Variants in EYS observed in about 807,000 individuals in gnomAD.
The protein encoded by EYS is protein eyes shut homolog.
Under a neutral mutation model 282.1 loss-of-function variants are expected in EYS, and 250 were observed. That is an observed-to-expected ratio of 0.89 (90% CI 0.80 to 0.98). EYS has a LOEUF of 0.98. EYS is among the 50% of genes least tolerant of loss of function. The probability of loss-of-function intolerance (pLI) is 0.00; values close to 1 mark genes in which losing one functional copy is unlikely to be tolerated. For missense variants in EYS, 4,016 were observed against 3,709.0 expected (o/e 1.08, Z -2.15); for synonymous variants, 1,355 against 1,282.9 (o/e 1.06, Z -1.20).
chr6:65,233,081 C>G (rs185140459), intron 12 of EYS, among the ~76,000 whole-genome samples: 1 of 152,060 alleles, frequency 6.6e-6, no homozygotes, highest in Non-Finnish European at 1.5e-5. Context: ...ATCATGCCAT[C>G]CTTTATTTAA....
intron 2 of EYS, among the ~76,000 whole-genome samples, chr6:65,620,916 GA>G (rs1766454160): frequency 6.6e-6 from 1 of 152,212 alleles, no homozygotes; most frequent in African/African-American, 2.4e-5. Context: ...TGGTCTGAGA[GA>G]CAGTTTGTTA....
intron 22 of EYS, among the ~76,000 whole-genome samples, chr6:64,748,210 T>C (rs1772618164): frequency 6.6e-6 from 1 of 152,228 alleles, no homozygotes; most frequent in Non-Finnish European, 1.5e-5. Flanking sequence ...CACCAGGAAA[T>C]ACAATAAATG....
At chr6:64,852,617 A>C (rs998402839) in intron 19 of EYS, among the ~76,000 whole-genome samples, 1 of 152,134 alleles carries the variant, frequency 6.6e-6, no homozygotes, top group African/African-American at 2.4e-5. Flanking sequence ...AGATGTAATA[A>C]AGTTAAGATG....
intron 26 of EYS, among the ~76,000 whole-genome samples, chr6:64,543,392 A>G (rs963374826): frequency 6.6e-6 from 1 of 152,106 alleles, no homozygotes; most frequent in East Asian, 1.9e-4. Flanking sequence ...GTAGTTAAAG[A>G]AATTGGCTTT....
intron 8 of EYS, among the ~76,000 whole-genome samples, chr6:65,379,615 A>G (rs1270082355): frequency 1.3e-5 from 2 of 152,182 alleles, no homozygotes; most frequent in East Asian, 3.9e-4. Flanking sequence ...AGTTCTGGCT[A>G]GAGCAATCAA....
At chr6:65,627,407 C>T (rs1766744626) in intron 2 of EYS, among the ~76,000 whole-genome samples, 1 of 152,204 alleles carries the variant, frequency 6.6e-6, no homozygotes. Flanking sequence ...GCCTCCTCTG[C>T]CTGGGCTCCC....
chr6:64,917,141 C>T (rs575802594), intron 15 of EYS, among the ~76,000 whole-genome samples: 1 of 151,372 alleles, frequency 6.6e-6, no homozygotes, highest in Admixed American at 6.6e-5. Context: ...CCCAGCTACG[C>T]GGGAGGCTGA....
chr6:63,814,752 A>G (rs572188239), intron 36 of EYS, among the ~76,000 whole-genome samples: 1 of 152,310 alleles, frequency 6.6e-6, no homozygotes, highest in South Asian at 2.1e-4. Context: ...AGGGGAAAAA[A>G]TCCCTGAAAC....
rs573336860 is a variant in EYS, at chr6:63,830,307, A to T, written c.7229-23935T>A. 1.1e-3 allele frequency among the ~76,000 whole-genome samples: 169 copies of T among 152,360 alleles called. 1 individual carries two copies. The highest frequency in any genetic ancestry group is 2.0e-3 in the Non-Finnish European group (137 of 68,034). ...AGGACATTCGAACCTATCGCAAAAA[A>T]GTTAAAAACCTTGATAAAAGATTAG... On this transcript the variant is annotated intron_variant, in intron 36 of 42. Coordinates refer to ENST00000503581, the MANE Select transcript of EYS (RefSeq NM_001142800.2).
chr6:64,295,556 AAGAAGAAGAAAAG>A (rs1768940086), intron 30 of EYS, among the ~76,000 whole-genome samples: 1 of 15,902 alleles, frequency 6.3e-5, no homozygotes, highest in African/African-American at 3.7e-4. Context: ...AAGAAGAAGA[AAGAAGAAGAAAAG>A]AAGAAGAAAA....
intron 26 of EYS, among the ~76,000 whole-genome samples, chr6:64,474,602 C>G (rs756438599): frequency 1.4e-4 from 21 of 152,108 alleles, no homozygotes; most frequent in Non-Finnish European, 2.8e-4. Context: ...ATATTGATGG[C>G]CATGGTGAAT....
chr6:65,208,318 T>C (rs753612642), intron 12 of EYS, among the ~76,000 whole-genome samples: 14 of 151,794 alleles, frequency 9.2e-5, no homozygotes, highest in Non-Finnish European at 1.8e-4. Context: ...GACAAGGATG[T>C]GGAGAGAAGA....
In EYS at chr6:63,772,167, AT is replaced by A. The variant is rs762369443; in HGVS notation, c.7898+5838del. On this transcript the variant is annotated intron_variant, in intron 40 of 42. Coordinates refer to ENST00000503581, the MANE Select transcript of EYS (RefSeq NM_001142800.2). Reference sequence around the variant, plus strand: ...GGAAATTTTTTAAAAAAAAAGAAAGATTTTTTTTTTTGAGGTGGAGTCTTGC... The same window carrying A: ...GGAAATTTTTTAAAAAAAAAGAAAGATTTTTTTTTTGAGGTGGAGTCTTGC... Among the ~76,000 whole-genome samples the A allele has an allele frequency of 1.8e-3, 258 of 146,296 alleles. 2 individuals carry two copies. Among genetic ancestry groups the A allele is most frequent in the African/African-American group, 5.8e-3 (223 of 38,456 alleles).
At chr6:64,488,974 A>G (rs191803020) in intron 26 of EYS, among the ~76,000 whole-genome samples, 55 of 150,992 alleles carry the variant, frequency 3.6e-4, no homozygotes, top group African/African-American at 1.2e-3. Flanking sequence ...TTTCTATATG[A>G]TCTGATACTT....
At position 63,906,209 on chromosome 6, in the gene EYS, G is replaced by A. The variant is rs578147143; in HGVS notation, c.7056-41851C>T. On this transcript the variant is annotated intron_variant, in intron 35 of 42. Transcript: ENST00000503581. ...TTATGAAGCATAATTACTTTACAAAGCTATAAAATGCCATAAAGTTTTAGT... is the reference window on the plus strand; with the variant it reads ...TTATGAAGCATAATTACTTTACAAAACTATAAAATGCCATAAAGTTTTAGT... Among the ~76,000 whole-genome samples, 30 of 152,254 alleles carry A rather than the reference G, an allele frequency of 2.0e-4. 1 individual carries two copies. The South Asian group carries it at 2.3e-3, about 12-fold the overall frequency.
chr6:63,978,965 A>G (rs1387306639), intron 35 of EYS, among the ~76,000 whole-genome samples: 2 of 151,998 alleles, frequency 1.3e-5, no homozygotes, highest in African/African-American at 4.8e-5. Context: ...CACATGGGGT[A>G]CTGAGAATAA....
At chr6:64,893,406 T>C (rs965692423) in intron 18 of EYS, among the ~76,000 whole-genome samples, 4 of 152,102 alleles carry the variant, frequency 2.6e-5, no homozygotes, top group African/African-American at 7.2e-5. Context: ...CTGTTTTTAA[T>C]ACGTTTTTTG....
At chr6:64,699,797 A>G (rs1770717895) in intron 22 of EYS, among the ~76,000 whole-genome samples, 1 of 152,052 alleles carries the variant, frequency 6.6e-6, no homozygotes, top group Non-Finnish European at 1.5e-5. Context: ...GCCTCCAGAA[A>G]CTCTTCAAGA....
chr6:64,982,899 G>A (rs1002348692), intron 14 of EYS, among the ~76,000 whole-genome samples: 3 of 150,972 alleles, frequency 2.0e-5, no homozygotes, highest in Admixed American at 6.6e-5. Flanking sequence ...GTACAGAATC[G>A]TTACCCTTCA....
Sources: allele counts gnomAD v4.1 joint callset (sites outside exome capture counted in the v4.1 genomes callset), GRCh38; gene constraint gnomAD v4.1.1; transcripts MANE v1.5; gene names NCBI Gene and HGNC (gene_info 2026-07-23, HGNC 2026-07-21).